FOXP2: variants seen among roughly 807,000 people sequenced by gnomAD.
FOXP2 encodes forkhead box P2.
Under a neutral mutation model 115.8 loss-of-function variants are expected in FOXP2, and 12 were observed. The ratio of observed to expected loss-of-function variants is 0.10; its 90% CI spans 0.07 to 0.17. The LOEUF (loss-of-function observed/expected upper bound fraction) is 0.17. Ranked by LOEUF, FOXP2 falls within the 10% of genes least tolerant of loss-of-function variation. The pLI, the probability that FOXP2 is intolerant of heterozygous loss-of-function variation, is 1.00. For synonymous variants in FOXP2, 328 were observed against 297.7 expected (o/e 1.10, Z -1.05); for missense variants, 629 against 843.5 (o/e 0.75, Z 3.15).
At position 114,254,306 on chromosome 7, in the gene FOXP2, G is replaced by A. The variant is rs1013009481; in HGVS notation, c.-101-33713G>A. ...TCTTCTTTAGGAGTATCTTTGTGGC[G>A]TTCTCTGTATTTCCTGAATTTGAAT... is the stretch of plus-strand genomic sequence containing the variant. On this transcript the variant is annotated intron_variant, in intron 1 of 17. Transcript: ENST00000634411. Among the ~76,000 whole-genome samples the A allele has an allele frequency of 1.6e-4, 25 of 152,042 alleles. 1 individual carries two copies. Among genetic ancestry groups the A allele is most frequent in the Admixed American group, 2.0e-4 (3 of 15,268 alleles).
chr7:114,576,583 G>T (rs989014291), intron 3 of FOXP2, among the ~76,000 whole-genome samples: 2 of 151,772 alleles, frequency 1.3e-5, no homozygotes, highest in African/African-American at 2.4e-5. Flanking sequence ...CAGTGGTTTT[G>T]TTGTTGTTAA....
At chr7:114,593,674 C>G (rs745802608) in intron 3 of FOXP2, among the ~76,000 whole-genome samples, 6 of 151,942 alleles carry the variant, frequency 3.9e-5, no homozygotes, top group Non-Finnish European at 8.8e-5. Context: ...GGCCCCAGAT[C>G]TCCTTTTTGC....
At chr7:114,253,977 G>A (rs532364248) in intron 1 of FOXP2, among the ~76,000 whole-genome samples, 1 of 152,264 alleles carries the variant, frequency 6.6e-6, no homozygotes, top group African/African-American at 2.4e-5. Flanking sequence ...AGCCCTTGTA[G>A]GGCAGGCCTG....
chr7:114,208,660 C>G (rs545246389), intron 1 of FOXP2, among the ~76,000 whole-genome samples: 4 of 151,804 alleles, frequency 2.6e-5, no homozygotes, highest in African/African-American at 9.7e-5. Flanking sequence ...GTGGGAGGGA[C>G]CTGGTGGGAG....
intron 2 of FOXP2, among the ~76,000 whole-genome samples, chr7:114,494,740 T>A (rs766164273): frequency 6.6e-6 from 1 of 152,142 alleles, no homozygotes; most frequent in Admixed American, 6.6e-5. Flanking sequence ...GAAACCAATC[T>A]AATATCTCTG....
intron 3 of FOXP2, among the ~76,000 whole-genome samples, chr7:114,566,679 C>A (rs1405146258): frequency 1.3e-5 from 2 of 152,026 alleles, no homozygotes; most frequent in Non-Finnish European, 2.9e-5. Flanking sequence ...CTCATGTATT[C>A]CTTTACAGCA....
At chr7:114,498,954 G>T in intron 2 of FOXP2, 1 of 717,670 alleles carries the variant, frequency 1.4e-6, no homozygotes, top group South Asian at 1.5e-5. Flanking sequence ...TGACCTAGAA[G>T]AGCGATTCTC....
At chr7:114,371,582 G>A (rs768485962) in intron 2 of FOXP2, among the ~76,000 whole-genome samples, 2 of 152,012 alleles carry the variant, frequency 1.3e-5, no homozygotes, top group Non-Finnish European at 2.9e-5. Flanking sequence ...GATTATATTT[G>A]TTATTACCCA....
chr7:114,101,170 G>A (rs756715177), intron 1 of FOXP2, among the ~76,000 whole-genome samples: 10 of 152,114 alleles, frequency 6.6e-5, no homozygotes, highest in Non-Finnish European at 1.2e-4. Flanking sequence ...TCACAAATGA[G>A]GAACCCCATG....
chr7:114,517,867 T>C (rs1394687562), intron 2 of FOXP2, among the ~76,000 whole-genome samples: 1 of 152,108 alleles, frequency 6.6e-6, no homozygotes, highest in East Asian at 1.9e-4. Context: ...GTGAAAAATA[T>C]CATTTGAATT....
At chr7:114,433,678 C>T (rs751967813) in intron 2 of FOXP2, among the ~76,000 whole-genome samples, 9 of 151,856 alleles carry the variant, frequency 5.9e-5, no homozygotes, top group Non-Finnish European at 1.3e-4. Context: ...ACTAAAGTAG[C>T]TAACATTAAA....
intron 1 of FOXP2, among the ~76,000 whole-genome samples, chr7:114,099,516 T>A (rs1228992697): frequency 2.0e-5 from 3 of 152,172 alleles, no homozygotes; most frequent in Admixed American, 6.5e-5. Context: ...AAATCCCTCT[T>A]CTAGGCATAT....
intron 1 of FOXP2, among the ~76,000 whole-genome samples, chr7:114,104,939 A>T (rs1324354938): frequency 6.6e-6 from 1 of 152,078 alleles, no homozygotes; most frequent in Non-Finnish European, 1.5e-5. Context: ...TTTGCGATTC[A>T]TAGTAATAAT....
chr7:114,126,280 C>A (rs1054190639), intron 1 of FOXP2, among the ~76,000 whole-genome samples: 1 of 151,864 alleles, frequency 6.6e-6, no homozygotes, highest in Admixed American at 6.6e-5. Context: ...TATAAACATT[C>A]AAAACTATAG....
chr7:114,335,400 A>C (rs1436835036), intron 2 of FOXP2, among the ~76,000 whole-genome samples: 5 of 151,910 alleles, frequency 3.3e-5, no homozygotes, highest in Non-Finnish European at 7.4e-5. Context: ...TTAGATCACA[A>C]AGAAACAATT....
intron 2 of FOXP2, among the ~76,000 whole-genome samples, chr7:114,442,363 T>TTTA (rs931468969): frequency 6.1e-5 from 9 of 147,908 alleles, no homozygotes; most frequent in South Asian, 2.1e-4. Flanking sequence ...TTTTTTTTTT[T>TTTA]GAGTGATGGA....
At chr7:114,209,924 G>C (rs780996015) in intron 1 of FOXP2, among the ~76,000 whole-genome samples, 1 of 152,110 alleles carries the variant, frequency 6.6e-6, no homozygotes, top group African/African-American at 2.4e-5. Flanking sequence ...CTGTTCTGCT[G>C]TTGATACTTG....
intron 2 of FOXP2, among the ~76,000 whole-genome samples, chr7:114,461,144 C>A (rs1265423973): frequency 1.3e-5 from 2 of 152,238 alleles, no homozygotes; most frequent in African/African-American, 2.4e-5. Context: ...ATAATCATAC[C>A]TATCTTTGAG....
At chr7:114,512,569 G>C (rs895182551) in intron 2 of FOXP2, among the ~76,000 whole-genome samples, 1 of 152,140 alleles carries the variant, frequency 6.6e-6, no homozygotes, top group Non-Finnish European at 1.5e-5. Flanking sequence ...CAGGCCAAAG[G>C]TTTGCTCAGT....
Sources: allele counts gnomAD v4.1 joint callset (sites outside exome capture counted in the v4.1 genomes callset), GRCh38; gene constraint gnomAD v4.1.1; transcripts MANE v1.5; gene names NCBI Gene and HGNC (gene_info 2026-07-23, HGNC 2026-07-21).